The following PPARG variants were observed in gnomAD, a reference collection of about 807,000 sequenced individuals.
PPARG encodes peroxisome proliferator activated receptor gamma.
In PPARG, 17 loss-of-function variants were observed where a neutral mutation model predicts 39.2. The ratio of observed to expected loss-of-function variants is 0.43; its 90% CI spans 0.30 to 0.65. PPARG has a LOEUF of 0.65. Among genes scored for constraint, PPARG ranks in the 30% least tolerant of loss-of-function variants. The pLI is 0.13. For synonymous variants in PPARG, 223 were observed against 215.7 expected, an observed-to-expected ratio of 1.03 and a Z score of -0.30; for missense variants, 406 against 585.9, an observed-to-expected ratio of 0.69 and a Z score of 3.17.
intron 5 of PPARG, among the ~76,000 whole-genome samples, chr3:12,405,077 A>C (rs1004440309): frequency 5.9e-5 from 9 of 152,256 alleles, no homozygotes; most frequent in African/African-American, 2.2e-4. Flanking sequence ...AACATGATTC[A>C]AAATAATATT....
At chr3:12,375,336 A>G (rs920118410) in intron 2 of PPARG, among the ~76,000 whole-genome samples, 1 of 152,200 alleles carries the variant, frequency 6.6e-6, no homozygotes, top group Non-Finnish European at 1.5e-5. Context: ...AATGAAACAA[A>G]GCAAAATTAA....
intron 2 of PPARG, among the ~76,000 whole-genome samples, chr3:12,330,324 G>A (rs1290010201): frequency 5.7e-5 from 5 of 87,866 alleles, no homozygotes; most frequent in South Asian, 3.4e-4. Flanking sequence ...AAAAAAAAAA[G>A]CTGTCCTATT....
chr3:12,398,995 G>C (rs2050367892), intron 5 of PPARG, among the ~76,000 whole-genome samples: 2 of 152,112 alleles, frequency 1.3e-5, no homozygotes, highest in South Asian at 4.1e-4. Flanking sequence ...CCTTCAACCT[G>C]GGCAGAAAGG....
intron 1 of PPARG, among the ~76,000 whole-genome samples, chr3:12,311,184 G>C (rs2047233197): frequency 2.6e-5 from 4 of 152,092 alleles, no homozygotes; most frequent in Non-Finnish European, 5.9e-5. Flanking sequence ...GCTCACTGCA[G>C]CCTTGAACTC....
At chr3:12,419,545 C>G (rs945177972) in intron 7 of PPARG, among the ~76,000 whole-genome samples, 1 of 151,326 alleles carries the variant, frequency 6.6e-6, no homozygotes, top group African/African-American at 2.4e-5. Context: ...TCACTACAAC[C>G]GGGTTTTCCG....
upstream of PPARG, chr3:12,287,822 AC>A: frequency 5.4e-5 from 1 of 18,654 alleles, no homozygotes; most frequent in Non-Finnish European, 1.2e-4. Flanking sequence ...CCCCGCCCCC[AC>A]CCCCACCCCC....
chr3:12,410,179 A>T (rs1272535719), intron 6 of PPARG, among the ~76,000 whole-genome samples: 1 of 152,178 alleles, frequency 6.6e-6, no homozygotes, highest in African/African-American at 2.4e-5. Flanking sequence ...CTGTCCCCAC[A>T]ACCTATTTCC....
intron 5 of PPARG, among the ~76,000 whole-genome samples, chr3:12,394,147 G>T (rs1243129293): frequency 6.6e-6 from 1 of 152,142 alleles, no homozygotes; most frequent in Non-Finnish European, 1.5e-5. Context: ...CAATCAAGTT[G>T]CAATAAACTT....
chr3:12,387,379 C>T (rs973785295), intron 4 of PPARG, among the ~76,000 whole-genome samples: 3 of 152,190 alleles, frequency 2.0e-5, no homozygotes, highest in African/African-American at 7.2e-5. Flanking sequence ...TCTCCAGCGT[C>T]TGTTTTTTTC....
chr3:12,368,911 A>G (rs946052415), intron 2 of PPARG, among the ~76,000 whole-genome samples: 3 of 152,144 alleles, frequency 2.0e-5, no homozygotes, highest in Admixed American at 6.6e-5. Context: ...ATTTTCTCCA[A>G]TTTTCCAGAT....
chr3:12,391,242 CA>C (rs2050067071), intron 4 of PPARG, among the ~76,000 whole-genome samples: 2 of 152,026 alleles, frequency 1.3e-5, no homozygotes. Flanking sequence ...TTTAATTGAG[CA>C]GTGAGGGAGG....
intron 2 of PPARG, among the ~76,000 whole-genome samples, chr3:12,316,402 CAG>C (rs1421739683): frequency 2.6e-5 from 4 of 151,976 alleles, no homozygotes; most frequent in Non-Finnish European, 5.9e-5. Flanking sequence ...TTCGTAGAGA[CAG>C]AAAGTGGAAT....
chr3:12,303,447 C>T (rs186346793), intron 1 of PPARG, among the ~76,000 whole-genome samples: 17 of 152,170 alleles, frequency 1.1e-4, no homozygotes, highest in East Asian at 1.9e-4. Context: ...GTGATCTGCC[C>T]GCCTCAGCCT....
chr3:12,433,751 C>T (rs2051751272), intron 7 of PPARG, 147 bp from the exon 8 acceptor site: 1 of 1,135,538 alleles, frequency 8.8e-7, no homozygotes, highest in African/African-American at 1.5e-5. Context: ...TCTGCTTACC[C>T]TTCCTCCCCA....
intron 2 of PPARG, among the ~76,000 whole-genome samples, chr3:12,314,823 T>A (rs1189676277): frequency 6.6e-6 from 1 of 152,178 alleles, no homozygotes. Flanking sequence ...TTTTTGCTTT[T>A]ATTATTATTT....
chr3:12,325,454 G>A (rs550161175), intron 2 of PPARG, among the ~76,000 whole-genome samples: 3 of 151,518 alleles, frequency 2.0e-5, no homozygotes, highest in East Asian at 1.9e-4. Flanking sequence ...TATAAAAAAC[G>A]AGCCAGTGTC....
intron 1 of PPARG, among the ~76,000 whole-genome samples, chr3:12,310,001 G>C (rs1412322134): frequency 6.6e-6 from 1 of 152,218 alleles, no homozygotes; most frequent in African/African-American, 2.4e-5. Context: ...CCAGATGGCA[G>C]AGGTGAAAGA....
chr3:12,385,391 G>A (rs775367428), intron 4 of PPARG, among the ~76,000 whole-genome samples: 1 of 152,168 alleles, frequency 6.6e-6, no homozygotes, highest in East Asian at 1.9e-4. Flanking sequence ...AGATGAGAAT[G>A]AGTAGATTGG....
At chr3:12,392,864 A>G in intron 5 of PPARG, 112 bp downstream of exon 5, 6 of 1,279,028 alleles carry the variant, frequency 4.7e-6, no homozygotes, top group Admixed American at 1.8e-5. Context: ...AAATGCCAGA[A>G]TTTAGAATAT....
Sources: allele counts gnomAD v4.1 joint callset (sites outside exome capture counted in the v4.1 genomes callset), GRCh38; gene constraint gnomAD v4.1.1; transcripts MANE v1.5; gene names NCBI Gene and HGNC (gene_info 2026-07-23, HGNC 2026-07-21).